Variants in GAB2 observed in about 807,000 individuals in gnomAD.
The protein encoded by GAB2 is GRB2 associated binding protein 2, also known as GRB2-associated-binding protein 2.
A neutral mutation model predicts 65.5 loss-of-function variants in GAB2; 26 were observed. That is an observed-to-expected ratio of 0.40 (90% CI 0.29 to 0.55). The LOEUF is 0.55. Ranked by LOEUF, GAB2 falls within the 20% of genes least tolerant of loss-of-function variation. The pLI, the probability that GAB2 is intolerant of heterozygous loss-of-function variation, is 0.53. For missense variants in GAB2, 884 were observed against 875.8 expected (o/e 1.01, Z -0.12); for synonymous variants, 321 against 329.6 (o/e 0.97, Z 0.28).
chr11:78,252,148 C>T (rs1012980282), intron 2 of GAB2, among the ~76,000 whole-genome samples: 7 of 152,208 alleles, frequency 4.6e-5, no homozygotes, highest in African/African-American at 1.7e-4. Flanking sequence ...GTACCCTTCT[C>T]ATGGTCCTAG....
chr11:78,291,674 C>T (rs760785512), intron 1 of GAB2, among the ~76,000 whole-genome samples: 41 of 144,344 alleles, frequency 2.8e-4, no homozygotes, highest in Non-Finnish European at 4.6e-4. Context: ...TAGGCTCAAG[C>T]GATCCTCCTA....
chr11:78,248,335 C>T (rs1055602309), intron 3 of GAB2, among the ~76,000 whole-genome samples: 9 of 152,118 alleles, frequency 5.9e-5, no homozygotes, highest in Admixed American at 3.9e-4. Context: ...GTGGTGGCGG[C>T]AATTGTTACT....
At chr11:78,415,826 C>T (rs141595714) in intron 1 of GAB2, among the ~76,000 whole-genome samples, 1 of 152,106 alleles carries the variant, frequency 6.6e-6, no homozygotes, top group East Asian at 1.9e-4. Context: ...GGTGAGAGTT[C>T]AAGGAGCGAT....
intron 1 of GAB2, among the ~76,000 whole-genome samples, chr11:78,318,962 C>A (rs574154567): frequency 6.6e-6 from 1 of 152,174 alleles, no homozygotes; most frequent in African/African-American, 2.4e-5. Flanking sequence ...TCCCTTCTCA[C>A]AGCATTATCC....
chr11:78,255,602 G>A lies in GAB2; in HGVS notation c.377-5202C>T, dbSNP rs572588595. On this transcript the variant is annotated intron_variant, in intron 2 of 9. Coordinates refer to ENST00000361507, the MANE Select transcript of GAB2 (RefSeq NM_080491.3). The stretch of plus-strand genomic sequence containing the variant: ...CCTGTGCCCCAATAGATGAGGTTCC[G>A]GGGAGGTGCTACCTCACTTTCCACA... 5.3e-5 allele frequency among the ~76,000 whole-genome samples: 8 copies of A among 152,270 alleles called. No individual in the cohort carries two copies. In the South Asian group the frequency reaches 1.2e-3, roughly 24 times the overall value.
chr11:78,352,385 A>G (rs1435741286), intron 1 of GAB2, among the ~76,000 whole-genome samples: 2 of 152,206 alleles, frequency 1.3e-5, no homozygotes, highest in Non-Finnish European at 2.9e-5. Flanking sequence ...AACCCGTCAT[A>G]AGGCACTAGA....
intron 1 of GAB2, among the ~76,000 whole-genome samples, chr11:78,386,014 C>T (rs961618032): frequency 2.0e-5 from 3 of 152,188 alleles, no homozygotes; most frequent in African/African-American, 7.2e-5. Context: ...TTATTCAAAG[C>T]TTCCCCATCC....
chr11:78,279,234 T>C (rs1195505894), intron 2 of GAB2, among the ~76,000 whole-genome samples: 1 of 152,130 alleles, frequency 6.6e-6, no homozygotes, highest in African/African-American at 2.4e-5. Flanking sequence ...GCTACATAAT[T>C]TGCAGAGCCC....
chr11:78,280,405 T>C (rs779693473), intron 2 of GAB2, 196 bp downstream of exon 2: 6 of 597,162 alleles, frequency 1.0e-5, no homozygotes, highest in Non-Finnish European at 1.8e-5. Context: ...CCAACACTTT[T>C]TTTTGGTTTC....
At chr11:78,323,733 T>A (rs1855768944) in intron 1 of GAB2, among the ~76,000 whole-genome samples, 2 of 149,388 alleles carry the variant, frequency 1.3e-5, no homozygotes, top group South Asian at 4.3e-4. Context: ...AGCCCACACC[T>A]CAGCATCTTG....
chr11:78,346,820 T>C (rs1856198384), intron 1 of GAB2, among the ~76,000 whole-genome samples: 1 of 150,378 alleles, frequency 6.6e-6, no homozygotes, highest in Non-Finnish European at 1.5e-5. Flanking sequence ...AAATAGACCT[T>C]TCTTTTTAGA....
At chr11:78,383,758 A>G (rs1856729057) in intron 1 of GAB2, among the ~76,000 whole-genome samples, 1 of 151,942 alleles carries the variant, frequency 6.6e-6, no homozygotes, top group South Asian at 2.1e-4. Context: ...ACCGTGTCTC[A>G]ATTAATTAAA....
At chr11:78,384,187 G>A (rs1183666989) in intron 1 of GAB2, among the ~76,000 whole-genome samples, 1 of 152,208 alleles carries the variant, frequency 6.6e-6, no homozygotes, top group African/African-American at 2.4e-5. Context: ...ACACACAGGA[G>A]TAAAACTCTT....
rs189337413 is a variant in GAB2 at position 78,266,570 on chromosome 11, T to G, written c.376+14031A>C. Among the ~76,000 whole-genome samples, 363 of 152,306 alleles carry G rather than the reference T, an allele frequency of 2.4e-3. 1 individual carries two copies. The highest frequency in any genetic ancestry group is 8.4e-3 in the African/African-American group (351 of 41,564). ...TGAAACCAAATTCAGAATTAAAAAA[T>G]TAAATATTTTCACACTTGAGGTTAA... On this transcript the variant is annotated intron_variant, in intron 2 of 9. Coordinates refer to ENST00000361507, the MANE Select transcript of GAB2 (RefSeq NM_080491.3).
chr11:78,290,821 GTA>G (rs1866645020), intron 1 of GAB2, among the ~76,000 whole-genome samples: 1 of 152,108 alleles, frequency 6.6e-6, no homozygotes, highest in Non-Finnish European at 1.5e-5. Flanking sequence ...TTTTTAGAAC[GTA>G]AGAACTTTCT....
At chr11:78,280,417 A>G (rs1866301529) in intron 2 of GAB2, 184 bp downstream of exon 2, 2 of 613,860 alleles carry the variant, frequency 3.3e-6, no homozygotes, top group East Asian at 5.4e-5. Flanking sequence ...TTTGGTTTCC[A>G]GTTAGAGCAT....
chr11:78,321,221 A>C (rs1386220174), intron 1 of GAB2, among the ~76,000 whole-genome samples: 1 of 152,174 alleles, frequency 6.6e-6, no homozygotes, highest in African/African-American at 2.4e-5. Flanking sequence ...TAACCTTAGC[A>C]CAGTACTAAG....
chr11:78,215,638 C>T lies in GAB2; in HGVS notation c.*3634G>A, dbSNP rs562575620. 11 of 152,268 alleles carry T rather than the reference C, an allele frequency of 7.2e-5. No individual in the cohort carries two copies. Among genetic ancestry groups the T allele is most frequent in the African/African-American group, 2.7e-4 (11 of 41,444 alleles). The allele number at this position is 152,268 out of a possible 1,614,324, so 9.4% of individuals were successfully genotyped here. A position where few individuals can be genotyped will look rare whatever the true frequency, so the allele number is the denominator to read the frequency against. On this transcript the variant is annotated 3_prime_UTR_variant, in exon 10 of 10. Coordinates refer to ENST00000361507, the MANE Select transcript of GAB2 (RefSeq NM_080491.3). ...TGAAATAATTCTAGATTTCAAGACA[C>T]AAGTAGCCAACAAATACACAACACA... is the stretch of plus-strand genomic sequence containing the variant.
At chr11:78,259,140 T>C (rs943433109) in intron 2 of GAB2, among the ~76,000 whole-genome samples, 20 of 152,320 alleles carry the variant, frequency 1.3e-4, no homozygotes, top group African/African-American at 4.8e-4. Flanking sequence ...TCTGGAACTA[T>C]CTTATTACAG....
Sources: gnomAD v4.1 joint callset for allele counts (sites outside exome capture counted in the v4.1 genomes callset) on GRCh38, gnomAD v4.1.1 for gene constraint, MANE v1.5 for transcripts, NCBI Gene and HGNC (gene_info 2026-07-23, HGNC 2026-07-21) for gene names.